Variants in UVRAG observed in about 807,000 individuals in gnomAD.
UVRAG encodes the protein UV radiation resistance-associated gene protein.
UVRAG carries 19 observed loss-of-function variants against 78.0 expected under a neutral mutation model. The ratio of observed to expected loss-of-function variants is 0.24; its 90% CI spans 0.17 to 0.36. The LOEUF (loss-of-function observed/expected upper bound fraction) is 0.36. UVRAG is among the 10% of genes least tolerant of loss of function. The probability of loss-of-function intolerance (pLI) is 1.00; values close to 1 mark genes in which losing one functional copy is unlikely to be tolerated. For synonymous variants in UVRAG, 323 were observed against 324.6 expected, an observed-to-expected ratio of 1.00 and a Z score of 0.05; for missense variants, 740 against 853.8, an observed-to-expected ratio of 0.87 and a Z score of 1.66.
chr11:75,965,325 A>ATTTAT (rs1948998139), intron 7 of UVRAG, among the ~76,000 whole-genome samples: 2 of 141,150 alleles, frequency 1.4e-5, no homozygotes, highest in African/African-American at 3.0e-5. Context: ...TATTTATTTA[A>ATTTAT]TTTTGAGACG....
chr11:75,997,248 T>C (rs1313095056), intron 8 of UVRAG, among the ~76,000 whole-genome samples: 1 of 152,246 alleles, frequency 6.6e-6, no homozygotes, highest in Non-Finnish European at 1.5e-5. Context: ...GACAATTTAT[T>C]GGTTTTAACT....
chr11:75,864,060 C>CT (rs748128698), intron 3 of UVRAG, among the ~76,000 whole-genome samples: 1,567 of 141,336 alleles, frequency 0.011, 9 homozygotes, highest in Non-Finnish European at 0.015. Flanking sequence ...GTTCTATTAA[C>CT]TTTTTTTTTT....
At chr11:75,944,229 A>G (rs1388793289) in intron 6 of UVRAG, among the ~76,000 whole-genome samples, 2 of 152,116 alleles carry the variant, frequency 1.3e-5, no homozygotes, top group Non-Finnish European at 2.9e-5. Context: ...CCCTTCCTTC[A>G]TATTGGAGCT....
intron 12 of UVRAG, among the ~76,000 whole-genome samples, chr11:76,029,773 A>G (rs1950398496): frequency 6.6e-6 from 1 of 152,230 alleles, no homozygotes. Context: ...ATTGACTCCA[A>G]TTGTAAAAGA....
chr11:75,974,497 G>T (rs1949193700), intron 7 of UVRAG, among the ~76,000 whole-genome samples: 1 of 151,268 alleles, frequency 6.6e-6, no homozygotes, highest in Non-Finnish European at 1.5e-5. Flanking sequence ...CTCCCGAGTA[G>T]CTGGGACTAC....
In UVRAG at chr11:76,143,577, G is replaced by A. The variant is rs1046859438; in HGVS notation, c.*2164G>A. ...CATTTGCCTCGACCCACACAGCCCCGTGGTGATGCCTCAAAACACCACTTA... is the reference window on the plus strand; with the variant it reads ...CATTTGCCTCGACCCACACAGCCCCATGGTGATGCCTCAAAACACCACTTA... On this transcript the variant is annotated 3_prime_UTR_variant, in exon 15 of 15. Coordinates refer to ENST00000356136, the MANE Select transcript of UVRAG (RefSeq NM_003369.4). Among the ~76,000 whole-genome samples the A allele has an allele frequency of 3.3e-5, 5 of 152,332 alleles. No individual in the cohort carries two copies. In the East Asian group the frequency reaches 5.8e-4, roughly 18 times the overall value.
intron 6 of UVRAG, among the ~76,000 whole-genome samples, chr11:75,952,496 T>C (rs138598025): frequency 0.018 from 2,777 of 152,050 alleles, 36 homozygotes; most frequent in Non-Finnish European, 0.026. Flanking sequence ...ATCAAATGCT[T>C]CTTTTTTTGA....
chr11:75,904,704 C>T (rs1444061270), intron 5 of UVRAG, among the ~76,000 whole-genome samples: 3 of 152,154 alleles, frequency 2.0e-5, no homozygotes, highest in Non-Finnish European at 2.9e-5. Context: ...TCAGTTTCCA[C>T]ACCTTTAAAG....
chr11:76,075,679 C>T (rs987367379), intron 13 of UVRAG, among the ~76,000 whole-genome samples: 3 of 152,088 alleles, frequency 2.0e-5, no homozygotes, highest in African/African-American at 4.8e-5. Flanking sequence ...ACTATCACCA[C>T]GGTCAATTAT....
intron 13 of UVRAG, among the ~76,000 whole-genome samples, chr11:76,087,665 A>G (rs534607327): frequency 9.8e-5 from 15 of 152,288 alleles, no homozygotes; most frequent in Middle Eastern, 3.4e-3. Flanking sequence ...TACTTTATCA[A>G]AGTATTTTTA....
At chr11:75,881,163 G>A (rs1301823052) in intron 4 of UVRAG, among the ~76,000 whole-genome samples, 2 of 151,932 alleles carry the variant, frequency 1.3e-5, no homozygotes, top group African/African-American at 4.8e-5. Context: ...GTAGAGATGG[G>A]TGTAAACATG....
intron 13 of UVRAG, among the ~76,000 whole-genome samples, chr11:76,073,279 G>A (rs1445040080): frequency 1.3e-5 from 2 of 152,112 alleles, no homozygotes; most frequent in African/African-American, 4.8e-5. Context: ...GTGCAATCGA[G>A]TTGCTAAGTG....
intron 7 of UVRAG, among the ~76,000 whole-genome samples, chr11:75,970,128 A>T (rs1456614139): frequency 6.6e-6 from 1 of 152,226 alleles, no homozygotes; most frequent in Non-Finnish European, 1.5e-5. Flanking sequence ...TAGTGCAGTA[A>T]TTATGTGTGT....
chr11:75,965,089 A>C (rs933421126), intron 7 of UVRAG, among the ~76,000 whole-genome samples: 1 of 152,130 alleles, frequency 6.6e-6, no homozygotes, highest in Non-Finnish European at 1.5e-5. Flanking sequence ...TATATTTCCA[A>C]CTGAATTTGG....
rs189358198 is a variant in UVRAG at position 75,976,257 on chromosome 11, G to T, written c.700-7130G>T. Among the ~76,000 whole-genome samples, 259 of 152,292 alleles carry T rather than the reference G, an allele frequency of 1.7e-3. 2 individuals carry two copies. Among genetic ancestry groups the T allele is most frequent in the African/African-American group, 6.0e-3 (250 of 41,570 alleles). The stretch of plus-strand genomic sequence containing the variant: ...GGATAAGCTCTTTGATGTGCTGCTG[G>T]ATTCAGTTTGCCAGTGTTTTACTGA... On this transcript the variant is annotated intron_variant, in intron 7 of 14. Coordinates refer to ENST00000356136, the MANE Select transcript of UVRAG (RefSeq NM_003369.4).
chr11:76,001,171 T>G (rs1949806882), intron 8 of UVRAG, among the ~76,000 whole-genome samples: 1 of 152,078 alleles, frequency 6.6e-6, no homozygotes, highest in Admixed American at 6.6e-5. Flanking sequence ...AAACTGGAAG[T>G]TACTAACAGA....
At chr11:75,903,258 A>G (rs917015484) in intron 5 of UVRAG, among the ~76,000 whole-genome samples, 1 of 152,196 alleles carries the variant, frequency 6.6e-6, no homozygotes, top group African/African-American at 2.4e-5. Context: ...TGTTAATACC[A>G]GAGTAACCTT....
intron 12 of UVRAG, among the ~76,000 whole-genome samples, chr11:76,025,492 T>G (rs145885691): frequency 2.4e-4 from 36 of 152,290 alleles, no homozygotes; most frequent in African/African-American, 8.2e-4. Flanking sequence ...GCAGGCACTT[T>G]TGAAACTTTC....
Position 75,952,984 on chromosome 11 carries a change from T to C in UVRAG, c.594-8460T>C, listed in dbSNP as rs963103007. On this transcript the variant is annotated intron_variant, in intron 6 of 14. Transcript: ENST00000356136. ...GTTTCTTTTGTTTGTTTTGGAAATT[T>C]GTGGATTTTAAACAATTTGACTATT... 4.6e-5 allele frequency among the ~76,000 whole-genome samples: 7 copies of C among 152,172 alleles called. No individual in the cohort carries two copies. In the South Asian group the frequency reaches 8.3e-4, roughly 18 times the overall value.
Sources: allele counts gnomAD v4.1 joint callset (sites outside exome capture counted in the v4.1 genomes callset), GRCh38; gene constraint gnomAD v4.1.1; transcripts MANE v1.5; gene names NCBI Gene and HGNC (gene_info 2026-07-23, HGNC 2026-07-21).